The following PTBP3 variants were observed in gnomAD, a reference collection of about 807,000 sequenced individuals.
PTBP3 encodes polypyrimidine tract binding protein 3.
A neutral mutation model predicts 58.7 loss-of-function variants in PTBP3; 20 were observed. The ratio of observed to expected loss-of-function variants is 0.34; its 90% CI spans 0.24 to 0.50. PTBP3 has a LOEUF of 0.50. Ranked by LOEUF, PTBP3 falls within the 20% of genes least tolerant of loss-of-function variation. The pLI is 0.98. For synonymous variants in PTBP3, 185 were observed against 219.8 expected, an observed-to-expected ratio of 0.84 and a Z score of 1.40; for missense variants, 509 against 637.2, an observed-to-expected ratio of 0.80 and a Z score of 2.17.
intron 1 of PTBP3, among the ~76,000 whole-genome samples, chr9:112,328,534 T>C (rs895214843): frequency 6.6e-6 from 1 of 152,254 alleles, no homozygotes; most frequent in African/African-American, 2.4e-5. Context: ...CTTCTTTCAC[T>C]TATGAAGACA....
the PTBP3 span, among the ~76,000 whole-genome samples, chr9:112,355,986 T>C: frequency 6.6e-6 from 1 of 150,936 alleles, no homozygotes; most frequent in African/African-American, 2.4e-5. Flanking sequence ...CCTTCCTTCT[T>C]TCTTTCTCTT....
the PTBP3 span, among the ~76,000 whole-genome samples, chr9:112,344,218 A>C: frequency 6.6e-6 from 1 of 152,208 alleles, no homozygotes; most frequent in African/African-American, 2.4e-5. Flanking sequence ...GAAATAAAAT[A>C]TATATGCTAC....
the PTBP3 span, among the ~76,000 whole-genome samples, chr9:112,342,894 T>G: frequency 1.3e-5 from 2 of 152,096 alleles, no homozygotes; most frequent in Non-Finnish European, 2.9e-5. Context: ...AGTCTCACTA[T>G]GTTGCCCAGA....
intron 1 of PTBP3, chr9:112,333,155 G>C: frequency 8.2e-7 from 1 of 1,215,846 alleles, no homozygotes; most frequent in East Asian, 3.3e-5. Flanking sequence ...CGGACTCGGG[G>C]CGCGGAGGGC....
chr9:112,363,532 A>G, the PTBP3 span, among the ~76,000 whole-genome samples: 4 of 123,400 alleles, frequency 3.2e-5, no homozygotes, highest in Non-Finnish European at 6.6e-5. Context: ...ACACACACAC[A>G]CACACACACA....
At chr9:112,293,568 C>A (rs1366285585) in intron 2 of PTBP3, among the ~76,000 whole-genome samples, 1 of 152,146 alleles carries the variant, frequency 6.6e-6, no homozygotes, top group Non-Finnish European at 1.5e-5. Flanking sequence ...TTTCCTAGAC[C>A]CTTCACCCTC....
chr9:112,285,125 G>A (rs1273653226), intron 2 of PTBP3, among the ~76,000 whole-genome samples: 1 of 152,212 alleles, frequency 6.6e-6, no homozygotes, highest in Non-Finnish European at 1.5e-5. Context: ...ATTCCCATGT[G>A]TTGAGGGGGA....
chr9:112,302,440 CTG>C (rs1828977624), intron 1 of PTBP3, among the ~76,000 whole-genome samples: 3 of 151,992 alleles, frequency 2.0e-5, no homozygotes, highest in African/African-American at 7.3e-5. Flanking sequence ...CATAAAAAAA[CTG>C]GAAAGAAGAA....
Position 112,314,854 on chromosome 9 carries a change from C to T in PTBP3, c.-51-16938G>A, listed in dbSNP as rs1267606166. ...GACATTTTTTTTTTTTTTTTTGAGA[C>T]GGACTCTTGCTCTGTCACCCAGGCT... On this transcript the variant is annotated intron_variant, in intron 1 of 13. Coordinates refer to ENST00000374257, the MANE Select transcript of PTBP3 (RefSeq NM_001163788.4). Among the ~76,000 whole-genome samples the T allele has an allele frequency of 2.1e-5, 3 of 143,212 alleles. No homozygotes were observed. In the East Asian group the frequency reaches 6.1e-4, roughly 29 times the overall value. The allele number at this position is 143,212 out of a possible 152,430, so 94.0% of individuals were successfully genotyped here. A position where few individuals can be genotyped will look rare whatever the true frequency, so the allele number is the denominator to read the frequency against.
chr9:112,327,167 G>A (rs530434287), intron 1 of PTBP3, among the ~76,000 whole-genome samples: 6 of 151,646 alleles, frequency 4.0e-5, no homozygotes, highest in African/African-American at 1.5e-4. Flanking sequence ...TTGTGCCACT[G>A]TACTCCAGCC....
chr9:112,299,537 T>A (rs187600396), intron 1 of PTBP3, among the ~76,000 whole-genome samples: 149 of 152,210 alleles, frequency 9.8e-4, no homozygotes, highest in African/African-American at 3.4e-3. Context: ...TAGAAATCAG[T>A]AAGAAAAACC....
At chr9:112,346,587 C>T in the PTBP3 span, among the ~76,000 whole-genome samples, 1 of 152,212 alleles carries the variant, frequency 6.6e-6, no homozygotes, top group African/African-American at 2.4e-5. Context: ...TGAGCAGCTC[C>T]AGATGACTTA....
intron 2 of PTBP3, among the ~76,000 whole-genome samples, chr9:112,281,565 T>C (rs1164780067): frequency 2.0e-5 from 3 of 152,242 alleles, no homozygotes; most frequent in Admixed American, 2.0e-4. Context: ...AATACTGGCC[T>C]CATAAGAAAA....
intron 7 of PTBP3, among the ~76,000 whole-genome samples, chr9:112,238,883 C>T (rs1547570): frequency 0.99 from 150,910 of 152,310 alleles, 74,763 homozygotes; most frequent in Middle Eastern, 1. Context: ...TATGTTACCA[C>T]AGACCTTTCC....
intron 4 of PTBP3, 141 bp from the exon 5 acceptor site, chr9:112,262,740 T>C (rs1836651915): frequency 1.5e-6 from 1 of 667,022 alleles, no homozygotes; most frequent in Non-Finnish European, 2.2e-6. Flanking sequence ...ATACATATCC[T>C]AAATTTGTAA....
the PTBP3 span, among the ~76,000 whole-genome samples, chr9:112,355,358 G>T: frequency 1.3e-5 from 2 of 152,178 alleles, no homozygotes; most frequent in Admixed American, 6.5e-5. Context: ...CTTTGCGATG[G>T]TTTATATTCT....
intron 2 of PTBP3, among the ~76,000 whole-genome samples, chr9:112,286,349 A>G (rs975250405): frequency 6.6e-6 from 1 of 151,308 alleles, no homozygotes; most frequent in Non-Finnish European, 1.5e-5. Context: ...TTTTTTTTCT[A>G]TTTGTCCCAT....
chr9:112,247,394 A>G (rs1835929682), intron 7 of PTBP3, among the ~76,000 whole-genome samples: 1 of 151,996 alleles, frequency 6.6e-6, no homozygotes, highest in South Asian at 2.1e-4. Flanking sequence ...AATTAGCCCG[A>G]TACTTGTTTG....
At chr9:112,366,883 G>A in the PTBP3 span, among the ~76,000 whole-genome samples, 1 of 152,196 alleles carries the variant, frequency 6.6e-6, no homozygotes, top group Non-Finnish European at 1.5e-5. Context: ...AAAGCAGCCA[G>A]GAGGGGGGCT....
Sources: allele counts gnomAD v4.1 joint callset (sites outside exome capture counted in the v4.1 genomes callset), GRCh38; gene constraint gnomAD v4.1.1; transcripts MANE v1.5; gene names NCBI Gene and HGNC (gene_info 2026-07-23, HGNC 2026-07-21).